NRG3: variants seen among roughly 807,000 people sequenced by gnomAD.
NRG3 encodes the protein neuregulin 3, also known as pro-neuregulin-3, membrane-bound isoform.
Under a neutral mutation model 66.9 loss-of-function variants are expected in NRG3, and 31 were observed. The ratio of observed to expected loss-of-function variants is 0.46; its 90% confidence interval spans 0.35 to 0.63. The LOEUF (loss-of-function observed/expected upper bound fraction) is 0.63. Ranked by LOEUF, NRG3 falls within the 20% of genes least tolerant of loss-of-function variation. The probability of loss-of-function intolerance (pLI) is 0.00; values close to 1 mark genes in which losing one functional copy is unlikely to be tolerated. For synonymous variants in NRG3, 393 were observed against 359.4 expected (o/e 1.09, Z -1.06); for missense variants, 910 against 878.9 (o/e 1.04, Z -0.45).
At chr10:82,172,942 A>G (rs980886492) in intron 1 of NRG3, among the ~76,000 whole-genome samples, 2 of 152,120 alleles carry the variant, frequency 1.3e-5, no homozygotes, top group African/African-American at 2.4e-5. Flanking sequence ...TACTTTTAGA[A>G]TGTATAAAAA....
At chr10:82,832,671 C>G (rs1380932099) in intron 3 of NRG3, among the ~76,000 whole-genome samples, 1 of 152,064 alleles carries the variant, frequency 6.6e-6, no homozygotes, top group Non-Finnish European at 1.5e-5. Context: ...ATATAAATAA[C>G]TTTGCAATCA....
intron 4 of NRG3, among the ~76,000 whole-genome samples, chr10:82,915,277 T>C (rs1418235005): frequency 6.6e-6 from 1 of 152,210 alleles, no homozygotes; most frequent in East Asian, 1.9e-4. Context: ...AGAAGACTTG[T>C]TCATTTTGTT....
At chr10:82,786,157 G>A (rs1032654855) in intron 3 of NRG3, among the ~76,000 whole-genome samples, 2 of 152,116 alleles carry the variant, frequency 1.3e-5, no homozygotes, top group Non-Finnish European at 1.5e-5. Flanking sequence ...TGGAAGTGAA[G>A]TAGACCCTGT....
intron 1 of NRG3, among the ~76,000 whole-genome samples, chr10:82,211,515 A>AAGGCATCCTTGGCC (rs1282379547): frequency 6.6e-6 from 1 of 152,112 alleles, no homozygotes; most frequent in African/African-American, 2.4e-5. Context: ...AAAGAATGCA[A>AAGGCATCCTTGGCC]TCCCTCCAGA....
intron 2 of NRG3, among the ~76,000 whole-genome samples, chr10:82,361,187 A>T (rs1417780224): frequency 6.6e-6 from 1 of 152,214 alleles, no homozygotes; most frequent in Non-Finnish European, 1.5e-5. Flanking sequence ...ACATAAGCAG[A>T]TATATACCTA....
chr10:82,183,719 G>T (rs1464787987), intron 1 of NRG3, among the ~76,000 whole-genome samples: 1 of 152,056 alleles, frequency 6.6e-6, no homozygotes, highest in Non-Finnish European at 1.5e-5. Flanking sequence ...TGCCATGACT[G>T]GGGAGAGAGA....
intron 2 of NRG3, among the ~76,000 whole-genome samples, chr10:82,418,827 C>G (rs2088836427): frequency 6.6e-6 from 1 of 151,984 alleles, no homozygotes; most frequent in African/African-American, 2.4e-5. Flanking sequence ...TCTCAAACTC[C>G]TGGTCTTAGG....
intron 2 of NRG3, among the ~76,000 whole-genome samples, chr10:82,659,975 C>T (rs374273404): frequency 5.3e-5 from 8 of 151,438 alleles, no homozygotes; most frequent in Non-Finnish European, 1.0e-4. Flanking sequence ...GCGGGCAAAT[C>T]GCCTGAGGTC....
intron 1 of NRG3, among the ~76,000 whole-genome samples, chr10:82,092,979 C>T (rs2132012659): frequency 6.6e-6 from 1 of 152,258 alleles, no homozygotes; most frequent in Non-Finnish European, 1.5e-5. Flanking sequence ...GCCCAGAAGT[C>T]TTGGGTCTTC....
chr10:82,553,607 A>G (rs2132919987), intron 2 of NRG3, among the ~76,000 whole-genome samples: 1 of 152,266 alleles, frequency 6.6e-6, no homozygotes, highest in African/African-American at 2.4e-5. Context: ...TTGGAATAGA[A>G]GTGCCTTCAT....
chr10:82,612,212 G>C (rs1425231570), intron 2 of NRG3, among the ~76,000 whole-genome samples: 1 of 152,088 alleles, frequency 6.6e-6, no homozygotes, highest in Non-Finnish European at 1.5e-5. Context: ...CACTCTATAG[G>C]TTGCCTGTTC....
intron 1 of NRG3, among the ~76,000 whole-genome samples, chr10:81,966,051 G>A (rs1461850172): frequency 1.3e-5 from 2 of 151,788 alleles, no homozygotes; most frequent in African/African-American, 2.4e-5. Context: ...ATCAATTTAA[G>A]TAGTTTTTTC....
rs67074946 is a variant in NRG3 at position 82,799,526 on chromosome 10, C to CAAAAA, written c.1027+60888_1027+60892dup. Among the ~76,000 whole-genome samples, 464 of 109,620 alleles carry CAAAAA rather than the reference C, an allele frequency of 4.2e-3. 5 individuals are homozygous for CAAAAA. Among genetic ancestry groups the CAAAAA allele is most frequent in the Middle Eastern group, 0.034 (7 of 208 alleles). The allele number at this position is 109,620 out of a possible 152,430, so 71.9% of individuals were successfully genotyped here. On this transcript the variant is annotated intron_variant, in intron 3 of 8. Transcript: ENST00000372141. ...GGGTGACAAGAGCGAAATTCCGTCT[C>CAAAAA]AAAAAAAAAAAAAAAAGACATTTCA...
At chr10:82,649,438 T>A (rs1440246274) in intron 2 of NRG3, among the ~76,000 whole-genome samples, 4 of 149,606 alleles carry the variant, frequency 2.7e-5, no homozygotes, top group African/African-American at 9.8e-5. Flanking sequence ...CTCCTGGCAG[T>A]ATTGTGCTTT....
At chr10:82,379,563 C>T (rs550447448) in intron 2 of NRG3, among the ~76,000 whole-genome samples, 9 of 151,954 alleles carry the variant, frequency 5.9e-5, no homozygotes, top group Non-Finnish European at 1.0e-4. Context: ...TTGATATATG[C>T]GGTGCATAGG....
At chr10:82,330,256 A>C (rs2082079222) in intron 1 of NRG3, among the ~76,000 whole-genome samples, 1 of 152,188 alleles carries the variant, frequency 6.6e-6, no homozygotes, top group Non-Finnish European at 1.5e-5. Context: ...TGAAGAGGAA[A>C]GTCATGAAAA....
chr10:82,923,943 C>G (rs1250084536), intron 4 of NRG3, among the ~76,000 whole-genome samples: 1 of 151,570 alleles, frequency 6.6e-6, no homozygotes, highest in Non-Finnish European at 1.5e-5. Context: ...CTAAAAAATA[C>G]AAAAATTAGC....
At chr10:82,884,958 A>G (rs1371743554) in intron 4 of NRG3, among the ~76,000 whole-genome samples, 1 of 152,204 alleles carries the variant, frequency 6.6e-6, no homozygotes, top group Non-Finnish European at 1.5e-5. Flanking sequence ...TCAGATATAC[A>G]CACTGACAAG....
chr10:81,912,957 A>G (rs1334151325), intron 1 of NRG3, among the ~76,000 whole-genome samples: 1 of 152,252 alleles, frequency 6.6e-6, no homozygotes, highest in Non-Finnish European at 1.5e-5. Context: ...TGGTGTTAAG[A>G]GCCTGGCCAC....
Sources: gnomAD v4.1 joint callset for allele counts (sites outside exome capture counted in the v4.1 genomes callset) on GRCh38, gnomAD v4.1.1 for gene constraint, MANE v1.5 for transcripts, NCBI Gene and HGNC (gene_info 2026-07-23, HGNC 2026-07-21) for gene names.